MRPL14: variants seen among roughly 807,000 people sequenced by gnomAD.
MRPL14 encodes large ribosomal subunit protein uL14m.
A neutral mutation model predicts 10.9 loss-of-function variants in MRPL14; 8 were observed. The ratio of observed to expected loss-of-function variants is 0.74; its 90% CI spans 0.43 to 1.33. MRPL14 has a LOEUF of 1.33. Among genes scored for constraint, MRPL14 ranks in the 40% most tolerant of loss-of-function variants. The pLI, the probability that MRPL14 is intolerant of heterozygous loss-of-function variation, is 0.01. For missense variants in MRPL14, 179 were observed against 194.5 expected (o/e 0.92, Z 0.47); for synonymous variants, 82 against 74.1 (o/e 1.11, Z -0.54).
At chr6:44,122,442 T>C (rs1256569464) in intron 1 of MRPL14, among the ~76,000 whole-genome samples, 1 of 152,294 alleles carries the variant, frequency 6.6e-6, no homozygotes, top group East Asian at 1.9e-4. Context: ...CCTGTACCTC[T>C]GATGCTTTGT....
At chr6:44,123,891 T>A (rs1430608086) in intron 1 of MRPL14, among the ~76,000 whole-genome samples, 1 of 152,174 alleles carries the variant, frequency 6.6e-6, no homozygotes, top group Non-Finnish European at 1.5e-5. Context: ...TAAGCAGTAG[T>A]ACTTAGATAG....
intron 2 of MRPL14, among the ~76,000 whole-genome samples, chr6:44,116,130 C>G (rs1246460934): frequency 6.6e-6 from 1 of 152,184 alleles, no homozygotes; most frequent in Non-Finnish European, 1.5e-5. Context: ...GGCTTAGCAT[C>G]TACAAGGAGG....
chr6:44,116,786 A>G (rs1280736367), intron 1 of MRPL14, among the ~76,000 whole-genome samples, 157 bp from the exon 2 acceptor site: 1 of 152,240 alleles, frequency 6.6e-6, no homozygotes, highest in African/African-American at 2.4e-5. Context: ...AGATGATTAG[A>G]CAGAGCTGTA....
At chr6:44,115,598 T>TAATTAGTG (rs557615710) in intron 2 of MRPL14, among the ~76,000 whole-genome samples, 1 of 152,136 alleles carries the variant, frequency 6.6e-6, no homozygotes. Flanking sequence ...TCCTAGTTGG[T>TAATTAGTG]TCCCATTGCA....
At chr6:44,120,657 C>CA (rs1776304030) in intron 1 of MRPL14, among the ~76,000 whole-genome samples, 1 of 152,014 alleles carries the variant, frequency 6.6e-6, no homozygotes, top group Non-Finnish European at 1.5e-5. Context: ...CTTATCCCTC[C>CA]AAAAAAACAA....
chr6:44,117,863 TTTTG>T (rs1446062118), intron 1 of MRPL14, among the ~76,000 whole-genome samples: 8 of 137,494 alleles, frequency 5.8e-5, no homozygotes, highest in South Asian at 2.5e-4. Flanking sequence ...TTTTTTTTTT[TTTTG>T]TAGAGATGAT....
chr6:44,125,326 A>G (rs1027347105), intron 1 of MRPL14, among the ~76,000 whole-genome samples: 3 of 152,232 alleles, frequency 2.0e-5, no homozygotes, highest in Admixed American at 6.5e-5. Flanking sequence ...GCTCAGATTC[A>G]TAACTATACT....
intron 1 of MRPL14, among the ~76,000 whole-genome samples, chr6:44,120,469 T>C (rs1222847546): frequency 6.6e-6 from 1 of 152,204 alleles, no homozygotes; most frequent in African/African-American, 2.4e-5. Context: ...GAGTGATATA[T>C]TCATGTCTCT....
intron 1 of MRPL14, chr6:44,126,781 T>G (rs1292390655): frequency 2.6e-5 from 4 of 152,190 alleles, no homozygotes; most frequent in Non-Finnish European, 4.4e-5. Flanking sequence ...TCTCAGTCTC[T>G]CCCTTCATCT....
chr6:44,118,651 T>C (rs1177104654), intron 1 of MRPL14, among the ~76,000 whole-genome samples: 1 of 152,242 alleles, frequency 6.6e-6, no homozygotes, highest in Non-Finnish European at 1.5e-5. Flanking sequence ...GCAGGCTAAG[T>C]GTCTTACATT....
At chr6:44,115,569 C>A (rs1775762906) in intron 2 of MRPL14, among the ~76,000 whole-genome samples, 1 of 151,484 alleles carries the variant, frequency 6.6e-6, no homozygotes, top group African/African-American at 2.4e-5. Context: ...TCTCCTACAC[C>A]AAGACTGTGA....
chr6:44,124,247 C>G (rs2128202450), intron 1 of MRPL14, among the ~76,000 whole-genome samples: 1 of 152,198 alleles, frequency 6.6e-6, no homozygotes. Flanking sequence ...AAGCATATAT[C>G]TCTTTCACTC....
At chr6:44,118,038 C>T (rs759404065) in intron 1 of MRPL14, among the ~76,000 whole-genome samples, 1 of 151,968 alleles carries the variant, frequency 6.6e-6, no homozygotes, top group Non-Finnish European at 1.5e-5. Flanking sequence ...CAAACTTACT[C>T]CCAAATGTTT....
intron 1 of MRPL14, among the ~76,000 whole-genome samples, chr6:44,121,606 T>C (rs1776419865): frequency 6.6e-6 from 1 of 152,230 alleles, no homozygotes; most frequent in African/African-American, 2.4e-5. Context: ...GAACTGTGCC[T>C]AGCACACCTA....
intron 1 of MRPL14, among the ~76,000 whole-genome samples, chr6:44,121,130 C>A (rs1174195620): frequency 2.0e-5 from 3 of 152,092 alleles, no homozygotes; most frequent in Non-Finnish European, 4.4e-5. Flanking sequence ...CAGACCTAGT[C>A]TATATACAAT....
intron 1 of MRPL14, among the ~76,000 whole-genome samples, chr6:44,118,565 A>T (rs1776090432): frequency 6.6e-6 from 1 of 152,202 alleles, no homozygotes; most frequent in African/African-American, 2.4e-5. Context: ...GGTGTCAAGC[A>T]GCTTTAAGGG....
intron 1 of MRPL14, among the ~76,000 whole-genome samples, chr6:44,125,292 C>T (rs1328655044): frequency 3.9e-5 from 6 of 152,128 alleles, no homozygotes; most frequent in Non-Finnish European, 8.8e-5. Flanking sequence ...TAGGCACAGG[C>T]AGAAATAGTT....
chr6:44,122,086 C>A (rs566456609), intron 1 of MRPL14, among the ~76,000 whole-genome samples: 14 of 148,800 alleles, frequency 9.4e-5, no homozygotes, highest in African/African-American at 1.7e-4. Flanking sequence ...TCTTCCCCCC[C>A]CTCTTTTTTT....
At chr6:44,116,651 G>A (rs1775879827) in intron 1 of MRPL14, 22 bp from the exon 2 acceptor site, 2 of 1,589,234 alleles carry the variant, frequency 1.3e-6, no homozygotes, top group African/African-American at 1.3e-5. Flanking sequence ...ACGAGAGGGG[G>A]AAAAATTGGT....
Sources: allele counts gnomAD v4.1 joint callset (sites outside exome capture counted in the v4.1 genomes callset), GRCh38; gene constraint gnomAD v4.1.1; transcripts MANE v1.5; gene names NCBI Gene and HGNC (gene_info 2026-07-23, HGNC 2026-07-21).